Variants in ARID2 observed in about 807,000 individuals in gnomAD.
The protein encoded by ARID2 is AT-rich interactive domain-containing protein 2.
ARID2 carries 32 observed loss-of-function variants against 184.6 expected under a neutral mutation model. The observed-to-expected ratio is 0.17, with a 90% confidence interval of 0.13 to 0.23. The LOEUF is 0.23. Among genes scored for constraint, ARID2 ranks in the 10% least tolerant of loss-of-function variants. The pLI, the probability that ARID2 is intolerant of heterozygous loss-of-function variation, is 1.00. For synonymous variants in ARID2, 836 were observed against 772.6 expected (o/e 1.08, Z -1.36); for missense variants, 1,696 against 2,197.6 (o/e 0.77, Z 4.56).
At chr12:45,767,378 AGTT>A (rs2138018682) in intron 3 of ARID2, among the ~76,000 whole-genome samples, 1 of 152,172 alleles carries the variant, frequency 6.6e-6, no homozygotes, top group East Asian at 1.9e-4. Flanking sequence ...GTTTTTATAA[AGTT>A]GTTTTTTTTC....
At chr12:45,873,472 C>T (rs1055193493) in intron 16 of ARID2, among the ~76,000 whole-genome samples, 28 of 152,124 alleles carry the variant, frequency 1.8e-4, no homozygotes, top group Non-Finnish European at 3.8e-4. Flanking sequence ...TCTCCCCTTT[C>T]TTCGGATATC....
intron 6 of ARID2, among the ~76,000 whole-genome samples, chr12:45,827,643 T>C (rs1943027526): frequency 6.6e-6 from 1 of 152,082 alleles, no homozygotes; most frequent in Non-Finnish European, 1.5e-5. Flanking sequence ...TAACGTTAGA[T>C]AATATGACCA....
chr12:45,781,507 C>T (rs751454898), intron 3 of ARID2, among the ~76,000 whole-genome samples: 6 of 150,228 alleles, frequency 4.0e-5, no homozygotes, highest in Non-Finnish European at 7.4e-5. Context: ...GCTAGCCTTC[C>T]GGTAAGTACC....
At chr12:45,833,787 C>G (rs1239113412) in intron 6 of ARID2, among the ~76,000 whole-genome samples, 1 of 152,100 alleles carries the variant, frequency 6.6e-6, no homozygotes, top group African/African-American at 2.4e-5. Flanking sequence ...TTAATTACAG[C>G]CTCTTATAAT....
At chr12:45,804,183 A>G (rs1233194982) in intron 3 of ARID2, among the ~76,000 whole-genome samples, 1 of 152,186 alleles carries the variant, frequency 6.6e-6, no homozygotes, top group Non-Finnish European at 1.5e-5. Context: ...AAGGAGTTAC[A>G]TTGGAAATTC....
intron 3 of ARID2, among the ~76,000 whole-genome samples, chr12:45,799,838 A>G (rs958738723): frequency 6.6e-6 from 1 of 152,142 alleles, no homozygotes; most frequent in Non-Finnish European, 1.5e-5. Flanking sequence ...AAACCCATAA[A>G]TTTAGTTTTA....
intron 3 of ARID2, 69 bp downstream of exon 3, chr12:45,731,383 A>C: frequency 9.3e-7 from 1 of 1,078,252 alleles, no homozygotes; most frequent in Non-Finnish European, 1.4e-6. Context: ...TTTTTAGCAA[A>C]AACAAAAGCA....
At chr12:45,805,638 T>C (rs1249657395) in intron 3 of ARID2, among the ~76,000 whole-genome samples, 1 of 152,140 alleles carries the variant, frequency 6.6e-6, no homozygotes, top group Non-Finnish European at 1.5e-5. Context: ...TGAGGTACAA[T>C]TGACTAATAA....
At chr12:45,802,173 C>T (rs1266554259) in intron 3 of ARID2, among the ~76,000 whole-genome samples, 1 of 147,040 alleles carries the variant, frequency 6.8e-6, no homozygotes, top group Non-Finnish European at 1.5e-5. Context: ...CTTAAGTGAT[C>T]CTCTTACCTC....
intron 16 of ARID2, chr12:45,880,844 TG>T (rs1437770414): frequency 6.2e-6 from 1 of 161,304 alleles, no homozygotes; most frequent in Non-Finnish European, 1.4e-5. Flanking sequence ...TCTTTGCAGG[TG>T]TTGGATTCAA....
chr12:45,901,452 G>A (rs1183644390), intron 20 of ARID2, among the ~76,000 whole-genome samples: 1 of 151,818 alleles, frequency 6.6e-6, no homozygotes, highest in East Asian at 1.9e-4. Context: ...TTACAGGCAT[G>A]AGCCACCACC....
intron 3 of ARID2, among the ~76,000 whole-genome samples, chr12:45,763,509 A>C (rs1941718505): frequency 6.6e-6 from 1 of 151,676 alleles, no homozygotes; most frequent in Non-Finnish European, 1.5e-5. Flanking sequence ...CCTGTGGAAG[A>C]GGGAAATAAT....
chr12:45,879,262 T>G (rs1230258372), intron 16 of ARID2, among the ~76,000 whole-genome samples: 1 of 152,200 alleles, frequency 6.6e-6, no homozygotes, highest in Non-Finnish European at 1.5e-5. Flanking sequence ...TTGCTTTTCC[T>G]GTAAGTCAGA....
intron 20 of ARID2, among the ~76,000 whole-genome samples, chr12:45,900,961 TTGA>T (rs1944449274): frequency 6.6e-6 from 1 of 152,114 alleles, no homozygotes; most frequent in African/African-American, 2.4e-5. Flanking sequence ...CTGAGGTTTC[TTGA>T]TGATGATGTG....
intron 16 of ARID2, among the ~76,000 whole-genome samples, chr12:45,864,090 C>A (rs537549194): frequency 2.6e-4 from 39 of 152,170 alleles, no homozygotes; most frequent in Non-Finnish European, 5.1e-4. Flanking sequence ...CTCCTGAACT[C>A]AAGTGATCTG....
At chr12:45,739,346 G>A (rs939454426) in intron 3 of ARID2, among the ~76,000 whole-genome samples, 4 of 150,662 alleles carry the variant, frequency 2.7e-5, no homozygotes, top group African/African-American at 9.8e-5. Context: ...TCTTATGCAG[G>A]TATATTCCAT....
At chr12:45,777,709 A>T (rs1303377956) in intron 3 of ARID2, among the ~76,000 whole-genome samples, 10 of 151,402 alleles carry the variant, frequency 6.6e-5, no homozygotes, top group Non-Finnish European at 1.2e-4. Context: ...AGTTTAGCTT[A>T]TTATACATTA....
At chr12:45,730,261 C>T in intron 2 of ARID2, 124 bp downstream of exon 2, 2 of 839,586 alleles carry the variant, frequency 2.4e-6, no homozygotes, top group Non-Finnish European at 3.4e-6. Context: ...GTTCTTTTCG[C>T]TCCCAGCCGG....
chr12:45,843,312 T>C (rs892145018), intron 11 of ARID2, among the ~76,000 whole-genome samples: 1 of 150,420 alleles, frequency 6.6e-6, no homozygotes, highest in Non-Finnish European at 1.5e-5. Context: ...GATAGACTTA[T>C]TAAAGATTTC....
Sources: allele counts gnomAD v4.1 joint callset (sites outside exome capture counted in the v4.1 genomes callset), GRCh38; gene constraint gnomAD v4.1.1; transcripts MANE v1.5; gene names NCBI Gene and HGNC (gene_info 2026-07-23, HGNC 2026-07-21).